CCDC91: variants seen among roughly 807,000 people sequenced by gnomAD.
The protein encoded by CCDC91 is coiled-coil domain-containing protein 91.
Under a neutral mutation model 63.2 loss-of-function variants are expected in CCDC91, and 48 were observed. The ratio of observed to expected loss-of-function variants is 0.76; its 90% CI spans 0.60 to 0.97. CCDC91 has a LOEUF of 0.97. Ranked by LOEUF, CCDC91 falls within the 50% of genes least tolerant of loss-of-function variation. The pLI is 0.00. For missense variants in CCDC91, 500 were observed against 494.6 expected, an observed-to-expected ratio of 1.01 and a Z score of -0.10; for synonymous variants, 167 against 165.8, an observed-to-expected ratio of 1.01 and a Z score of -0.06.
chr12:28,494,218 T>C (rs562862009), intron 12 of CCDC91, among the ~76,000 whole-genome samples: 1 of 151,806 alleles, frequency 6.6e-6, no homozygotes, highest in East Asian at 1.9e-4. Flanking sequence ...TTGAATCTAT[T>C]GGTCGTTAAT....
At chr12:28,239,206 A>G (rs1014037566) in intron 1 of CCDC91, among the ~76,000 whole-genome samples, 12 of 152,038 alleles carry the variant, frequency 7.9e-5, no homozygotes, top group African/African-American at 2.9e-4. Context: ...ATATGAGAAT[A>G]CATATTTTTA....
At chr12:28,421,445 G>A (rs1948003423) in intron 8 of CCDC91, among the ~76,000 whole-genome samples, 1 of 151,954 alleles carries the variant, frequency 6.6e-6, no homozygotes, top group Non-Finnish European at 1.5e-5. Context: ...CCACTTAGAA[G>A]TGAGGGCATG....
rs1267716072 is a variant in CCDC91 at position 28,396,017 on chromosome 12, G to A, written c.762+4606G>A. ...GAGTGAGACATAGTTCTTCTAGTAA[G>A]CAGTAGAACAGATGATATAATTTTA... On this transcript the variant is annotated intron_variant, in intron 8 of 12. Coordinates refer to ENST00000536442, the MANE Select transcript of CCDC91 (RefSeq NM_018318.5). Among the ~76,000 whole-genome samples the A allele has an allele frequency of 3.3e-5, 5 of 152,152 alleles. No homozygotes were observed. In the East Asian group the frequency reaches 7.7e-4, roughly 23 times the overall value.
chr12:28,354,411 T>C (rs1319352727), intron 6 of CCDC91, among the ~76,000 whole-genome samples: 1 of 152,158 alleles, frequency 6.6e-6, no homozygotes, highest in Non-Finnish European at 1.5e-5. Context: ...GATAATCTCA[T>C]CTTATGATTC....
At chr12:28,477,111 A>T (rs1951141698) in intron 11 of CCDC91, among the ~76,000 whole-genome samples, 1 of 152,158 alleles carries the variant, frequency 6.6e-6, no homozygotes, top group Admixed American at 6.6e-5. Context: ...ATCCTGCCTA[A>T]CTCATTTTAT....
chr12:28,212,802 A>G (rs774793908), intron 1 of CCDC91, among the ~76,000 whole-genome samples: 2 of 152,222 alleles, frequency 1.3e-5, no homozygotes, highest in African/African-American at 4.8e-5. Flanking sequence ...AAGTTAAATA[A>G]TGGAGAACTG....
At chr12:28,238,393 AAGAG>A (rs1327851996) in intron 1 of CCDC91, among the ~76,000 whole-genome samples, 7 of 152,310 alleles carry the variant, frequency 4.6e-5, no homozygotes, top group Admixed American at 6.5e-5. Context: ...AAGAAAGAGA[AAGAG>A]AGAAAAGAAC....
At chr12:28,430,216 C>T (rs1948557031) in intron 8 of CCDC91, among the ~76,000 whole-genome samples, 1 of 151,748 alleles carries the variant, frequency 6.6e-6, no homozygotes, top group Admixed American at 6.6e-5. Context: ...AGGCATCCCC[C>T]AAAAATCAAA....
chr12:28,319,933 T>C (rs1185572917), intron 6 of CCDC91, among the ~76,000 whole-genome samples: 1 of 151,908 alleles, frequency 6.6e-6, no homozygotes, highest in Non-Finnish European at 1.5e-5. Flanking sequence ...GAGGGCTGAC[T>C]ATATTCACTT....
intron 3 of CCDC91, among the ~76,000 whole-genome samples, chr12:28,261,582 T>C (rs1946826482): frequency 6.6e-6 from 1 of 151,896 alleles, no homozygotes. Context: ...TTTGAGGAAA[T>C]GATTTCAGTA....
intron 1 of CCDC91, 77 bp downstream of exon 1, chr12:28,190,718 G>C (rs1044241566): frequency 6.7e-6 from 1 of 150,076 alleles, no homozygotes; most frequent in African/African-American, 2.4e-5. Context: ...CGCCCCACCG[G>C]GGGAGGAGCG....
chr12:28,549,040 C>G (rs1303377747), intron 12 of CCDC91, 23 bp from the exon 13 acceptor site: 1 of 1,484,626 alleles, frequency 6.7e-7, no homozygotes, highest in Middle Eastern at 1.7e-4. Flanking sequence ...CTCTTTCTCT[C>G]TCTCTTTAAA....
rs557689688 is a variant in CCDC91, at chr12:28,277,427, A to G, written c.109+17985A>G. Among the ~76,000 whole-genome samples, 156 of 152,208 alleles carry G rather than the reference A, an allele frequency of 1.0e-3. 1 individual carries two copies. The highest frequency in any genetic ancestry group is 3.4e-3 in the African/African-American group (141 of 41,558). ...TAACTTTTAGCAAAAACTGAATACA[A>G]CTGCATTTGGTAAGTACCATTATAG... On this transcript the variant is annotated intron_variant, in intron 3 of 12. Transcript: ENST00000536442.
At chr12:28,214,037 A>C (rs891969908) in intron 1 of CCDC91, among the ~76,000 whole-genome samples, 1 of 152,176 alleles carries the variant, frequency 6.6e-6, no homozygotes, top group Non-Finnish European at 1.5e-5. Context: ...AGTCATTATT[A>C]TCTCTAGTGA....
intron 3 of CCDC91, among the ~76,000 whole-genome samples, chr12:28,304,381 A>AAT (rs1565764669): frequency 1.8e-3 from 57 of 32,252 alleles, no homozygotes; most frequent in Non-Finnish European, 4.5e-3. Context: ...CGTCTAAAAA[A>AAT]AAAAAAAAAA....
At chr12:28,211,879 G>T (rs1943255220) in intron 1 of CCDC91, among the ~76,000 whole-genome samples, 1 of 151,724 alleles carries the variant, frequency 6.6e-6, no homozygotes, top group Non-Finnish European at 1.5e-5. Flanking sequence ...ATTACAGTTT[G>T]CTACCAGTTT....
chr12:28,461,623 G>A (rs551385094), intron 11 of CCDC91, among the ~76,000 whole-genome samples: 6 of 152,016 alleles, frequency 3.9e-5, no homozygotes, highest in South Asian at 4.2e-4. Flanking sequence ...CCTGAGGATC[G>A]AATGATAATA....
chr12:28,437,375 A>G (rs1241520525), intron 8 of CCDC91, among the ~76,000 whole-genome samples: 2 of 152,078 alleles, frequency 1.3e-5, no homozygotes, highest in South Asian at 2.1e-4. Context: ...GTTGCCTTAT[A>G]TATCTTCATG....
intron 1 of CCDC91, among the ~76,000 whole-genome samples, chr12:28,198,559 A>G (rs1941959063): frequency 6.6e-6 from 1 of 152,228 alleles, no homozygotes; most frequent in South Asian, 2.1e-4. Context: ...CCTGAATCAG[A>G]AGACAAGTGG....
Sources: allele counts gnomAD v4.1 joint callset (sites outside exome capture counted in the v4.1 genomes callset), GRCh38; gene constraint gnomAD v4.1.1; transcripts MANE v1.5; gene names NCBI Gene and HGNC (gene_info 2026-07-23, HGNC 2026-07-21).